The following VAC14 variants were observed in gnomAD, a reference collection of about 807,000 sequenced individuals.
VAC14 encodes the protein protein VAC14 homolog.
Under a neutral mutation model 85.3 loss-of-function variants are expected in VAC14, and 47 were observed. The observed-to-expected ratio is 0.55, with a 90% confidence interval of 0.44 to 0.70. The LOEUF (loss-of-function observed/expected upper bound fraction) is 0.70. VAC14 is among the 30% of genes least tolerant of loss of function. The probability of loss-of-function intolerance (pLI) is 0.00; values close to 1 mark genes in which losing one functional copy is unlikely to be tolerated. For synonymous variants in VAC14, 447 were observed against 430.5 expected, an observed-to-expected ratio of 1.04 and a Z score of -0.47; for missense variants, 861 against 1,004.3, an observed-to-expected ratio of 0.86 and a Z score of 1.93.
rs774391665 is a variant in VAC14 at position 70,800,805 on chromosome 16, C to T, written c.96G>A (p.Glu32=). 6.2e-7 allele frequency: 1 copy of T among 1,609,988 alleles called. No individual in the cohort carries two copies. Among genetic ancestry groups the T allele is most frequent in the South Asian group, 1.1e-5 (1 of 90,878 alleles). Residue 32 remains glutamate, a synonymous_variant, in exon 1 of 19, where the codon GAG becomes GAA. Transcript: ENST00000261776. ...LYEKRKVAAL[E]IEKLVREFVA... Reference sequence around the variant, plus strand: ...GTCCTGGCGGCTCTTACTTCTCGATCTCCAGCGCTGCCACCTTCCGCTTTT... The same window carrying T: ...GTCCTGGCGGCTCTTACTTCTCGATTTCCAGCGCTGCCACCTTCCGCTTTT...
chr16:70,695,678 C>T, intron 16 of VAC14, 55 bp from the exon 17 acceptor site: 1 of 1,543,010 alleles, frequency 6.5e-7, no homozygotes, highest in Middle Eastern at 1.7e-4. Context: ...CCGCAGCTCA[C>T]AGCACCACAC....
At chr16:70,768,863 C>A (rs1466900833) in intron 10 of VAC14, 1 of 451,440 alleles carries the variant, frequency 2.2e-6, no homozygotes. Flanking sequence ...TGCAGTGGCG[C>A]GATCTCGGCT....
chr16:70,734,983 C>G (rs969155542), intron 13 of VAC14, among the ~76,000 whole-genome samples: 1 of 152,158 alleles, frequency 6.6e-6, no homozygotes, highest in Admixed American at 6.5e-5. Context: ...CTCTTCGGCA[C>G]TAATGTTCGG....
At chr16:70,758,919 C>T (rs1014807150) in intron 12 of VAC14, among the ~76,000 whole-genome samples, 5 of 152,172 alleles carry the variant, frequency 3.3e-5, no homozygotes, top group African/African-American at 1.2e-4. Context: ...GCAGGTGGTG[C>T]TGAGGAAACA....
intron 15 of VAC14, 33 bp downstream of exon 15, chr16:70,698,604 A>G (rs1248736294): frequency 1.2e-6 from 2 of 1,610,712 alleles, no homozygotes; most frequent in African/African-American, 1.3e-5. Context: ...CATGCAGGAG[A>G]CGCCTGAGGA....
At chr16:70,770,151 A>C (rs2033108891) in intron 10 of VAC14, 1 of 152,042 alleles carries the variant, frequency 6.6e-6, no homozygotes, top group African/African-American at 2.4e-5. Flanking sequence ...CTGGTGTGCA[A>C]ATGACACTAG....
At chr16:70,750,974 G>C (rs2031339316) in intron 12 of VAC14, among the ~76,000 whole-genome samples, 1 of 152,116 alleles carries the variant, frequency 6.6e-6, no homozygotes, top group Admixed American at 6.5e-5. Context: ...CAAGATTCCC[G>C]AACATAAAGT....
intron 14 of VAC14, among the ~76,000 whole-genome samples, chr16:70,704,355 C>A (rs1287333852): frequency 6.6e-6 from 1 of 152,134 alleles, no homozygotes; most frequent in Non-Finnish European, 1.5e-5. Flanking sequence ...GCACTGTCTT[C>A]TTTGTCCTTT....
chr16:70,754,982 T>C (rs1482721947), intron 12 of VAC14: 1 of 158,134 alleles, frequency 6.3e-6, no homozygotes, highest in Non-Finnish European at 1.4e-5. Context: ...GATTCAGGGC[T>C]GGAAGGGATC....
intron 9 of VAC14, among the ~76,000 whole-genome samples, chr16:70,776,254 C>T (rs1412273787): frequency 1.3e-5 from 2 of 152,138 alleles, no homozygotes; most frequent in East Asian, 1.9e-4. Context: ...GTGTGTGCCA[C>T]CTCGCCCAGC....
In VAC14 at chr16:70,744,428, G is replaced by T; in HGVS notation, c.1523C>A (p.Thr508Asn). The T allele has an allele frequency of 6.2e-7, 1 of 1,614,096 alleles. No homozygotes were observed. Among genetic ancestry groups the T allele is most frequent in the Non-Finnish European group, 8.5e-7 (1 of 1,180,036 alleles). Residue 508 changes from threonine to asparagine, a missense_variant, in exon 13 of 19, where the codon ACC becomes AAC. By Grantham distance (65) the Thr-to-Asn change is moderately conservative. Transcript: ENST00000261776. ...PTPGRAGLLN[T>N]SGTKGLECSP... ...ACCTTCAGGAGAAGACTTACCAGAG[G>T]TGTTCAGTAGGCCGGCTCTGCCAGG...
chr16:70,773,110 A>G (rs2033330069), intron 9 of VAC14: 1 of 152,220 alleles, frequency 6.6e-6, no homozygotes, highest in Non-Finnish European at 1.5e-5. Context: ...GATTCTTTCA[A>G]GGGCACGGAA....
At chr16:70,688,222 G>C (rs759352086) in intron 18 of VAC14, 132 bp from the exon 19 acceptor site, 2 of 1,318,936 alleles carry the variant, frequency 1.5e-6, no homozygotes, top group Non-Finnish European at 1.9e-6. Context: ...CTCAGGCCTG[G>C]CAACTCTTCC....
chr16:70,744,879 G>C (rs980864402), intron 12 of VAC14: 4 of 325,490 alleles, frequency 1.2e-5, no homozygotes, highest in African/African-American at 2.2e-5. Flanking sequence ...CTTGAACAGG[G>C]CTCTGAGGGT....
intron 15 of VAC14, 139 bp downstream of exon 15, chr16:70,698,498 G>A: frequency 9.5e-7 from 1 of 1,049,542 alleles, no homozygotes; most frequent in Non-Finnish European, 1.4e-6. Context: ...CTATTTCCCA[G>A]TGGACCAGGG....
At chr16:70,744,074 C>T (rs2030629382) in intron 13 of VAC14, among the ~76,000 whole-genome samples, 1 of 152,078 alleles carries the variant, frequency 6.6e-6, no homozygotes, top group South Asian at 2.1e-4. Context: ...CTGTTAGACC[C>T]CAAGACCGAA....
chr16:70,731,756 G>A (rs2054598870), intron 13 of VAC14, 129 bp from the exon 14 acceptor site: 3 of 1,015,658 alleles, frequency 3.0e-6, no homozygotes, highest in Non-Finnish European at 2.7e-6. Context: ...ACAAGATGAG[G>A]GAAAATCTCT....
At chr16:70,795,755 T>C (rs889692181) in intron 1 of VAC14, among the ~76,000 whole-genome samples, 4 of 152,186 alleles carry the variant, frequency 2.6e-5, no homozygotes, top group African/African-American at 9.6e-5. Context: ...GCAGGAGAGT[T>C]ACATTTGCTG....
chr16:70,771,955 C>A (rs911624362), intron 10 of VAC14, 154 bp downstream of exon 10: 3 of 677,700 alleles, frequency 4.4e-6, no homozygotes, highest in Non-Finnish European at 7.6e-6. Context: ...CCTTCAGATT[C>A]CTTCATCAAT....
Sources: allele counts gnomAD v4.1 joint callset (sites outside exome capture counted in the v4.1 genomes callset), GRCh38; gene constraint gnomAD v4.1.1; transcripts MANE v1.5; gene names NCBI Gene and HGNC (gene_info 2026-07-23, HGNC 2026-07-21).